The following DLGAP2 variants were observed in gnomAD, a reference collection of about 807,000 sequenced individuals.
DLGAP2 encodes the protein DLG associated protein 2.
DLGAP2 carries 26 observed loss-of-function variants against 100.3 expected under a neutral mutation model. That is an observed-to-expected ratio of 0.26 (90% CI 0.19 to 0.36). The LOEUF (loss-of-function observed/expected upper bound fraction) is 0.36, where lower values mean the gene tolerates loss of function less well. Ranked by LOEUF, DLGAP2 falls within the 10% of genes least tolerant of loss-of-function variation. The pLI is 1.00. For missense variants in DLGAP2, 1,858 were observed against 1,453.2 expected (o/e 1.28, Z -4.53); for synonymous variants, 886 against 630.1 (o/e 1.41, Z -6.08).
chr8:1,155,319 T>C (rs1796761490), intron 2 of DLGAP2, among the ~76,000 whole-genome samples: 1 of 152,128 alleles, frequency 6.6e-6, no homozygotes. Flanking sequence ...TCTTGGCCTC[T>C]CTGGAAAGTC....
chr8:1,693,004 A>C (rs1409900526), intron 13 of DLGAP2, among the ~76,000 whole-genome samples: 2 of 148,228 alleles, frequency 1.3e-5, no homozygotes, highest in Admixed American at 6.8e-5. Context: ...CAAGATTATA[A>C]TCATATGCAT....
At chr8:1,208,249 A>C (rs1446642875) in intron 2 of DLGAP2, among the ~76,000 whole-genome samples, 1 of 152,130 alleles carries the variant, frequency 6.6e-6, no homozygotes, top group Non-Finnish European at 1.5e-5. Context: ...ATAAGGTGAG[A>C]GATGAGGATC....
rs1324149468 is a variant in DLGAP2 at position 1,621,986 on chromosome 8, C to G, written c.1443-4754C>G. On this transcript the variant is annotated intron_variant, in intron 6 of 14. Transcript: ENST00000637795. ...AGAAAGCTCAAGAACACTTTTTACC[C>G]TGAATGTGGAAATGATCTGGAAAGA... 4.6e-5 allele frequency: 7 copies of G among 152,318 alleles called. No homozygotes were observed. In the East Asian group the frequency reaches 1.4e-3, roughly 29 times the overall value. The allele number at this position is 152,318 out of a possible 1,614,324, so 9.4% of individuals were successfully genotyped here.
At chr8:1,005,379 T>C (rs1490518057) in intron 2 of DLGAP2, among the ~76,000 whole-genome samples, 1 of 151,690 alleles carries the variant, frequency 6.6e-6, no homozygotes, top group Non-Finnish European at 1.5e-5. Flanking sequence ...CCCATGTTGT[T>C]TCCTGTATTC....
intron 3 of DLGAP2, among the ~76,000 whole-genome samples, chr8:1,490,614 A>C (rs1799351276): frequency 6.6e-6 from 1 of 152,142 alleles, no homozygotes; most frequent in African/African-American, 2.4e-5. Context: ...GGTAAAGGTG[A>C]AATGGGCCCT....
intron 6 of DLGAP2, among the ~76,000 whole-genome samples, chr8:1,610,440 A>G (rs1796957942): frequency 1.3e-5 from 2 of 150,416 alleles, no homozygotes; most frequent in African/African-American, 4.9e-5. Context: ...AAAGCAGGAA[A>G]GATCCAAAAT....
chr8:1,657,844 G>T (rs931474763), intron 8 of DLGAP2, among the ~76,000 whole-genome samples: 1 of 152,200 alleles, frequency 6.6e-6, no homozygotes, highest in African/African-American at 2.4e-5. Context: ...CAGCTTCGTT[G>T]TCTGGGGTAT....
intron 2 of DLGAP2, among the ~76,000 whole-genome samples, chr8:1,142,645 C>T (rs989518315): frequency 5.3e-5 from 8 of 152,118 alleles, no homozygotes; most frequent in Non-Finnish European, 7.3e-5. Context: ...GCGGCGACTT[C>T]GGTGAAGTGG....
chr8:1,023,900 TA>T (rs1801702328), intron 2 of DLGAP2, among the ~76,000 whole-genome samples: 12 of 146,742 alleles, frequency 8.2e-5, no homozygotes, highest in African/African-American at 1.3e-4. Context: ...TGTGTGTGTG[TA>T]GTTTGCTTCC....
At chr8:1,412,229 G>A (rs1209831397) in intron 3 of DLGAP2, among the ~76,000 whole-genome samples, 1 of 152,090 alleles carries the variant, frequency 6.6e-6, no homozygotes, top group African/African-American at 2.4e-5. Context: ...TGAAGGCGAG[G>A]TCCCCCGCCA....
At chr8:770,151 T>C (rs1430337004) in intron 1 of DLGAP2, among the ~76,000 whole-genome samples, 1 of 152,208 alleles carries the variant, frequency 6.6e-6, no homozygotes, top group Non-Finnish European at 1.5e-5. Flanking sequence ...TTATCCCTAT[T>C]TATTCAGATT....
intron 2 of DLGAP2, among the ~76,000 whole-genome samples, chr8:1,168,255 C>A (rs1797058845): frequency 6.6e-6 from 1 of 151,952 alleles, no homozygotes; most frequent in Non-Finnish European, 1.5e-5. Flanking sequence ...TGTATAGGTG[C>A]CACATTTTCT....
chr8:1,695,655 C>A (rs764462642), intron 13 of DLGAP2, among the ~76,000 whole-genome samples: 3 of 152,174 alleles, frequency 2.0e-5, no homozygotes, highest in Non-Finnish European at 4.4e-5. Context: ...AGGGGCACAG[C>A]TGTGCCCAGC....
At chr8:1,283,153 C>G (rs1369468602) in intron 3 of DLGAP2, among the ~76,000 whole-genome samples, 2 of 149,840 alleles carry the variant, frequency 1.3e-5, no homozygotes, top group Admixed American at 6.7e-5. Flanking sequence ...AGCACGTGAA[C>G]CATCTGGACG....
chr8:1,609,654 A>C (rs1796931330), intron 6 of DLGAP2, among the ~76,000 whole-genome samples: 1 of 115,324 alleles, frequency 8.7e-6, no homozygotes, highest in Non-Finnish European at 1.9e-5. Flanking sequence ...TCTCACGTGC[A>C]GAGACACACA....
chr8:1,104,313 T>G lies in DLGAP2; in HGVS notation c.74-154538T>G, dbSNP rs559877444. ...TCAGGAGTGGGTTCCAGCCGCAGGA[T>G]CAGCACAGCCATGTTACATCACCAA... On this transcript the variant is annotated intron_variant, in intron 2 of 14. Transcript: ENST00000637795. Among the ~76,000 whole-genome samples, 5 of 151,830 alleles carry G rather than the reference T, an allele frequency of 3.3e-5. No homozygotes were observed. In the South Asian group the frequency reaches 1.0e-3, roughly 32 times the overall value.
chr8:1,677,296 C>G (rs1238459054), intron 11 of DLGAP2, among the ~76,000 whole-genome samples: 3 of 152,136 alleles, frequency 2.0e-5, no homozygotes, highest in African/African-American at 4.8e-5. Flanking sequence ...ATGGCTTCCC[C>G]AGTTTCCAAG....
chr8:848,026 T>A (rs1177897085), intron 1 of DLGAP2, among the ~76,000 whole-genome samples: 2 of 152,146 alleles, frequency 1.3e-5, no homozygotes, highest in East Asian at 1.9e-4. Flanking sequence ...CCTGCAAGTG[T>A]GGGCCTGTTA....
At chr8:1,424,869 C>T (rs917789469) in intron 3 of DLGAP2, among the ~76,000 whole-genome samples, 3 of 152,166 alleles carry the variant, frequency 2.0e-5, no homozygotes, top group African/African-American at 4.8e-5. Context: ...CTGCCAGCAG[C>T]TGGGGAGGGA....
Sources: gnomAD v4.1 joint callset for allele counts (sites outside exome capture counted in the v4.1 genomes callset) on GRCh38, gnomAD v4.1.1 for gene constraint, MANE v1.5 for transcripts, NCBI Gene and HGNC (gene_info 2026-07-23, HGNC 2026-07-21) for gene names.